The following CLASP1 variants were observed in gnomAD, a reference collection of about 807,000 sequenced individuals.
CLASP1 encodes CLIP-associating protein 1.
Under a neutral mutation model 192.3 loss-of-function variants are expected in CLASP1, and 38 were observed. The ratio of observed to expected loss-of-function variants is 0.20; its 90% CI spans 0.15 to 0.26. CLASP1 has a LOEUF of 0.26. Ranked by LOEUF, CLASP1 falls within the 10% of genes least tolerant of loss-of-function variation. The probability of loss-of-function intolerance (pLI) is 1.00; values close to 1 mark genes in which losing one functional copy is unlikely to be tolerated. For synonymous variants in CLASP1, 691 were observed against 712.8 expected (o/e 0.97, Z 0.49); for missense variants, 1,433 against 1,932.5 (o/e 0.74, Z 4.85).
chr2:121,521,483 G>A lies in CLASP1; in HGVS notation c.546+4362C>T, dbSNP rs557876665. Among the ~76,000 whole-genome samples the A allele has an allele frequency of 5.9e-5, 9 of 152,284 alleles. No homozygotes were observed. In the East Asian group the frequency reaches 1.5e-3, roughly 26 times the overall value. On this transcript the variant is annotated intron_variant, in intron 6 of 39. Coordinates refer to ENST00000263710, the Ensembl canonical transcript of CLASP1. The stretch of plus-strand genomic sequence containing the variant: ...ACAGGCTGAGGTGCCCAAGACTCCG[G>A]CTCCGAGCTACTGGCAGATCCCGGA...
chr2:121,628,471 T>G (rs570659369), intron 1 of CLASP1, among the ~76,000 whole-genome samples: 281 of 152,110 alleles, frequency 1.8e-3, no homozygotes, highest in Non-Finnish European at 3.5e-3. Context: ...AGGCTAGGAA[T>G]TCGAGACCAG....
At chr2:121,413,131 G>A (rs1351122830) in intron 23 of CLASP1, among the ~76,000 whole-genome samples, 3 of 151,970 alleles carry the variant, frequency 2.0e-5, no homozygotes, top group Non-Finnish European at 4.4e-5. Context: ...ATGGTGGCAC[G>A]CACCTGTAGT....
At chr2:121,595,466 T>C (rs1239320911) in intron 2 of CLASP1, among the ~76,000 whole-genome samples, 1 of 152,274 alleles carries the variant, frequency 6.6e-6, no homozygotes, top group Non-Finnish European at 1.5e-5. Flanking sequence ...TTTTACTTTC[T>C]GCCTTGACAT....
intron 1 of CLASP1, among the ~76,000 whole-genome samples, chr2:121,634,697 C>T (rs2070462920): frequency 6.6e-6 from 1 of 152,184 alleles, no homozygotes; most frequent in South Asian, 2.1e-4. Flanking sequence ...TCACAGACCA[C>T]AGGAAATCTG....
chr2:121,627,109 A>G (rs901615953), intron 1 of CLASP1, among the ~76,000 whole-genome samples: 5 of 152,210 alleles, frequency 3.3e-5, no homozygotes, highest in African/African-American at 1.2e-4. Context: ...ATGATCAAAA[A>G]TAGGAAAAAG....
intron 23 of CLASP1, among the ~76,000 whole-genome samples, chr2:121,416,445 G>A (rs1300762196): frequency 1.3e-5 from 2 of 152,094 alleles, no homozygotes; most frequent in African/African-American, 2.4e-5. Context: ...AGCTGGCTAC[G>A]TAAGTGGATT....
intron 35 of CLASP1, among the ~76,000 whole-genome samples, chr2:121,366,277 G>A (rs182670776): frequency 6.6e-6 from 1 of 152,170 alleles, no homozygotes; most frequent in African/African-American, 2.4e-5. Context: ...ACTTCTCCCA[G>A]GAAGTGCCAG....
intron 38 of CLASP1, 80 bp from the exon 40 acceptor site, chr2:121,347,234 C>T: frequency 7.4e-6 from 7 of 947,566 alleles, no homozygotes; most frequent in Non-Finnish European, 1.2e-5. Flanking sequence ...AACGTTTCCA[C>T]AAATGCCCTC....
At chr2:121,466,121 A>C (rs1205712347) in intron 9 of CLASP1, among the ~76,000 whole-genome samples, 1 of 152,204 alleles carries the variant, frequency 6.6e-6, no homozygotes, top group Non-Finnish European at 1.5e-5. Context: ...TCAAGAAAAA[A>C]GATTAGAAAG....
intron 20 of CLASP1, among the ~76,000 whole-genome samples, chr2:121,428,821 A>G (rs2080894705): frequency 6.6e-6 from 1 of 152,232 alleles, no homozygotes; most frequent in Non-Finnish European, 1.5e-5. Flanking sequence ...GCTTGCGTCC[A>G]TTTAACTATT....
chr2:121,566,618 A>T (rs1299034251), intron 2 of CLASP1, among the ~76,000 whole-genome samples: 3 of 152,218 alleles, frequency 2.0e-5, no homozygotes, highest in Non-Finnish European at 4.4e-5. Context: ...TTTATTGAGG[A>T]TTTACTGTGT....
chr2:121,423,179 T>C (rs565874030), intron 22 of CLASP1, among the ~76,000 whole-genome samples: 43 of 152,206 alleles, frequency 2.8e-4, no homozygotes, highest in African/African-American at 1.0e-3. Flanking sequence ...TTAAAGAAAA[T>C]ATCTTCTTTA....
At chr2:121,519,159 T>C (rs1216496241) in intron 6 of CLASP1, among the ~76,000 whole-genome samples, 1 of 152,246 alleles carries the variant, frequency 6.6e-6, no homozygotes, top group Non-Finnish European at 1.5e-5. Context: ...TAGGGAGCTG[T>C]GTAACCTTAG....
chr2:121,520,239 T>A (rs375419630), intron 6 of CLASP1, among the ~76,000 whole-genome samples: 1 of 152,146 alleles, frequency 6.6e-6, no homozygotes, highest in South Asian at 2.1e-4. Context: ...TGCACCTTAA[T>A]GTGGATGCCA....
chr2:121,418,474 G>T (rs1245079155), intron 23 of CLASP1, 148 bp downstream of exon 23: 3 of 630,698 alleles, frequency 4.8e-6, no homozygotes, highest in Admixed American at 2.8e-5. Flanking sequence ...TGCAGAGGGG[G>T]ACAAGGGGTA....
intron 28 of CLASP1, among the ~76,000 whole-genome samples, chr2:121,400,844 C>T (rs2076061389): frequency 6.6e-6 from 1 of 152,174 alleles, no homozygotes; most frequent in Admixed American, 6.5e-5. Flanking sequence ...TCCCCCCATC[C>T]ATCTTCCACC....
chr2:121,530,761 C>G (rs1278297718), intron 2 of CLASP1: 4 of 542,500 alleles, frequency 7.4e-6, no homozygotes, highest in Non-Finnish European at 1.3e-5. Context: ...TCGTCGAAAG[C>G]TGTGGAGGCT....
intron 1 of CLASP1, among the ~76,000 whole-genome samples, chr2:121,610,710 G>C (rs562142357): frequency 1.4e-5 from 2 of 147,690 alleles, no homozygotes; most frequent in Non-Finnish European, 3.0e-5. Context: ...TGGAGAAGGA[G>C]GAGGAGGAGT....
At chr2:121,354,399 G>T (rs1336561829) in intron 37 of CLASP1, among the ~76,000 whole-genome samples, 1 of 152,132 alleles carries the variant, frequency 6.6e-6, no homozygotes, top group African/African-American at 2.4e-5. Flanking sequence ...TACCTCAGAC[G>T]GGGCGCTTTT....
Sources: gnomAD v4.1 joint callset for allele counts (sites outside exome capture counted in the v4.1 genomes callset) on GRCh38, gnomAD v4.1.1 for gene constraint, MANE v1.5 for transcripts, NCBI Gene and HGNC (gene_info 2026-07-23, HGNC 2026-07-21) for gene names.